The following PVT1 variants were observed in gnomAD, a reference collection of about 807,000 sequenced individuals.
PVT1 encodes the protein Pvt1 oncogene.
chr8:128,089,316 T>C lies in PVT1; in HGVS notation n.1115-7202T>C, dbSNP rs537236542. ...TTCCTCGTTCATAAATGATTGCTTTTTTGCAGTGTCCTAATGTGAAGGAAG... is the reference window on the plus strand; with the variant it reads ...TTCCTCGTTCATAAATGATTGCTTTCTTGCAGTGTCCTAATGTGAAGGAAG... On this transcript the variant is annotated intron_variant and non_coding_transcript_variant, in intron 5 of 10. Coordinates refer to ENST00000651587, the Ensembl canonical transcript of PVT1. Among the ~76,000 whole-genome samples, 23 of 152,310 alleles carry C rather than the reference T, an allele frequency of 1.5e-4. No individual in the cohort carries two copies. The South Asian group carries it at 4.8e-3, about 32-fold the overall frequency.
chr8:127,797,228 C>T (rs980407488), intron 2 of PVT1, among the ~76,000 whole-genome samples: 1 of 152,188 alleles, frequency 6.6e-6, no homozygotes, highest in Admixed American at 6.5e-5. Flanking sequence ...GACGGAGTTT[C>T]TCCAGATTGG....
At chr8:127,868,586 C>T (rs1287466416) in intron 2 of PVT1, among the ~76,000 whole-genome samples, 7 of 151,122 alleles carry the variant, frequency 4.6e-5, no homozygotes, top group East Asian at 1.9e-4. Flanking sequence ...GATGGGTTTT[C>T]GCCATGTTGG....
intron 6 of PVT1, chr8:128,096,799 C>T (rs1814434661): frequency 1.3e-5 from 2 of 152,356 alleles, no homozygotes. Flanking sequence ...CTGAATGGCA[C>T]ACAGTCCATT....
At chr8:128,075,282 C>T (rs1814071125) in intron 5 of PVT1, among the ~76,000 whole-genome samples, 1 of 152,142 alleles carries the variant, frequency 6.6e-6, no homozygotes. Flanking sequence ...TAATATATCT[C>T]ATCATGCTTA....
At chr8:127,902,125 A>G (rs28562855) in intron 3 of PVT1, among the ~76,000 whole-genome samples, 18,810 of 152,130 alleles carry the variant, frequency 0.12, 3,784 homozygotes, top group African/African-American at 0.42. Context: ...CCTCTGTTTG[A>G]CCTTAGAAAT....
chr8:128,014,623 G>A (rs1817351219), intron 4 of PVT1, among the ~76,000 whole-genome samples: 1 of 152,184 alleles, frequency 6.6e-6, no homozygotes, highest in Non-Finnish European at 1.5e-5. Flanking sequence ...GGGGAAGGTG[G>A]GGACCCAGTG....
chr8:128,029,512 C>G (rs1055452718), intron 4 of PVT1, among the ~76,000 whole-genome samples: 2 of 151,944 alleles, frequency 1.3e-5, no homozygotes, highest in Non-Finnish European at 2.9e-5. Flanking sequence ...TTAAAAAATA[C>G]TTGTTGCGGT....
In PVT1 at chr8:127,969,854, CAT is replaced by C. The variant is rs1175552587; in HGVS notation, n.783-19306_783-19305del. Among the ~76,000 whole-genome samples the C allele has an allele frequency of 2.0e-5, 3 of 152,186 alleles. No homozygotes were observed. The South Asian group carries it at 6.2e-4, about 31-fold the overall frequency. ...TGGGATTGAACCCTGGCCTGTCTGACATAGAGGCCACTATTGGCCCAGGACAA... is the reference window on the plus strand; with the variant it reads ...TGGGATTGAACCCTGGCCTGTCTGACAGAGGCCACTATTGGCCCAGGACAA... On this transcript the variant is annotated intron_variant and non_coding_transcript_variant, in intron 3 of 10. Coordinates refer to ENST00000651587, the Ensembl canonical transcript of PVT1.
intron 3 of PVT1, among the ~76,000 whole-genome samples, chr8:127,914,552 C>T (rs866105067): frequency 6.6e-6 from 1 of 152,050 alleles, no homozygotes; most frequent in African/African-American, 2.4e-5. Flanking sequence ...GGGAACAACC[C>T]AGATGTCCAA....
intron 4 of PVT1, among the ~76,000 whole-genome samples, chr8:128,058,246 C>A (rs899366649): frequency 5.3e-5 from 8 of 152,132 alleles, no homozygotes; most frequent in Admixed American, 2.0e-4. Context: ...CCAATTAAAT[C>A]CCTGGGAGTT....
intron 4 of PVT1, among the ~76,000 whole-genome samples, chr8:128,061,067 G>A (rs190748892): frequency 5.6e-4 from 85 of 152,212 alleles, no homozygotes; most frequent in African/African-American, 8.9e-4. Flanking sequence ...GTGTCATCAC[G>A]TCCAGCTCAG....
chr8:128,053,010 C>T (rs1302325272), intron 4 of PVT1, among the ~76,000 whole-genome samples: 1 of 152,222 alleles, frequency 6.6e-6, no homozygotes, highest in Non-Finnish European at 1.5e-5. Context: ...GTAACCACCC[C>T]AGCAAAGATG....
intron 3 of PVT1, among the ~76,000 whole-genome samples, chr8:127,894,122 G>A (rs574129813): frequency 1.3e-5 from 2 of 152,284 alleles, no homozygotes; most frequent in South Asian, 4.1e-4. Context: ...TGGGCTCCTG[G>A]AATTATTGAC....
At chr8:128,081,174 C>A (rs994587239) in intron 5 of PVT1, among the ~76,000 whole-genome samples, 8 of 152,156 alleles carry the variant, frequency 5.3e-5, no homozygotes, top group African/African-American at 1.9e-4. Flanking sequence ...TCTTTTCCTG[C>A]AGTATTGTGT....
chr8:127,852,320 A>C (rs1586407100), intron 2 of PVT1: 1 of 152,366 alleles, frequency 6.6e-6, no homozygotes, highest in East Asian at 1.9e-4. Context: ...TTGGATGTTT[A>C]GCGAGCTGGT....
At chr8:127,981,438 G>A (rs572485499) in intron 3 of PVT1, among the ~76,000 whole-genome samples, 1 of 152,218 alleles carries the variant, frequency 6.6e-6, no homozygotes, top group Non-Finnish European at 1.5e-5. Flanking sequence ...GTGGTGGGTG[G>A]TGTTTATCTG....
chr8:128,060,187 C>T (rs570562982), intron 4 of PVT1, among the ~76,000 whole-genome samples: 1 of 152,210 alleles, frequency 6.6e-6, no homozygotes, highest in East Asian at 1.9e-4. Flanking sequence ...ACCCAGGAGG[C>T]GGAGCTTGCA....
intron 3 of PVT1, among the ~76,000 whole-genome samples, chr8:127,986,231 A>T (rs1174788773): frequency 1.3e-5 from 2 of 152,176 alleles, no homozygotes; most frequent in Admixed American, 1.3e-4. Context: ...GCTGGCAGAG[A>T]GGAGAACAGA....
At chr8:127,948,357 T>C (rs1471243316) in intron 3 of PVT1, 3 of 174,846 alleles carry the variant, frequency 1.7e-5, no homozygotes, top group African/African-American at 7.1e-5. Context: ...GGGAGAAAAT[T>C]CATAGATCCA....
Sources: gnomAD v4.1 joint callset for allele counts (sites outside exome capture counted in the v4.1 genomes callset) on GRCh38, gnomAD v4.1.1 for gene constraint, MANE v1.5 for transcripts, NCBI Gene and HGNC (gene_info 2026-07-23, HGNC 2026-07-21) for gene names.